The following CHST9 variants were observed in gnomAD, a reference collection of about 807,000 sequenced individuals.
CHST9 encodes carbohydrate sulfotransferase 9.
CHST9 carries 41 observed loss-of-function variants against 44.4 expected under a neutral mutation model. The ratio of observed to expected loss-of-function variants is 0.92; its 90% CI spans 0.72 to 1.20. The LOEUF (loss-of-function observed/expected upper bound fraction) is 1.20. Among genes scored for constraint, CHST9 ranks in the 50% most tolerant of loss-of-function variants. The pLI, the probability that CHST9 is intolerant of heterozygous loss-of-function variation, is 0.00. For synonymous variants in CHST9, 171 were observed against 178.4 expected (o/e 0.96, Z 0.33); for missense variants, 504 against 516.5 (o/e 0.98, Z 0.23).
chr18:26,977,420 A>G (rs1598610403), intron 4 of CHST9, among the ~76,000 whole-genome samples: 1 of 115,866 alleles, frequency 8.6e-6, no homozygotes, highest in Non-Finnish European at 1.9e-5. Flanking sequence ...TCCAAAGGTC[A>G]CTTGTAAAAA....
chr18:27,140,974 G>A (rs912598374), intron 2 of CHST9, among the ~76,000 whole-genome samples: 1 of 152,152 alleles, frequency 6.6e-6, no homozygotes, highest in African/African-American at 2.4e-5. Context: ...TACATCAAAA[G>A]TGTTGTCCAG....
chr18:27,114,167 T>C (rs1241582987), intron 2 of CHST9, among the ~76,000 whole-genome samples: 1 of 152,196 alleles, frequency 6.6e-6, no homozygotes, highest in Non-Finnish European at 1.5e-5. Flanking sequence ...TAATGTTATA[T>C]GTTATGCACT....
intron 2 of CHST9, among the ~76,000 whole-genome samples, chr18:27,067,768 G>A (rs1333867249): frequency 6.6e-6 from 1 of 152,104 alleles, no homozygotes; most frequent in East Asian, 1.9e-4. Context: ...TTCTAGGAAT[G>A]CCTGTCCAGT....
intron 5 of CHST9, among the ~76,000 whole-genome samples, chr18:26,932,577 C>T (rs755699029): frequency 1.3e-5 from 2 of 152,178 alleles, no homozygotes; most frequent in Non-Finnish European, 2.9e-5. Flanking sequence ...AAGTACCTTT[C>T]AACCCCTGAT....
chr18:27,180,426 G>A (rs1379694307), intron 1 of CHST9, among the ~76,000 whole-genome samples: 19 of 152,074 alleles, frequency 1.2e-4, no homozygotes, highest in Non-Finnish European at 1.5e-5. Context: ...TTAAAAAAGA[G>A]GACAGAGTCT....
intron 5 of CHST9, among the ~76,000 whole-genome samples, chr18:26,923,094 G>C (rs2055693405): frequency 6.6e-6 from 1 of 152,160 alleles, no homozygotes; most frequent in Non-Finnish European, 1.5e-5. Context: ...AGAGATGGTG[G>C]GGTTTATAAG....
intron 4 of CHST9, among the ~76,000 whole-genome samples, chr18:27,008,606 C>T (rs2057045247): frequency 6.6e-6 from 1 of 152,144 alleles, no homozygotes; most frequent in Admixed American, 6.5e-5. Flanking sequence ...TTTAAGTTGA[C>T]AATCCTTAAT....
chr18:26,962,444 C>T (rs1208403595), intron 4 of CHST9, among the ~76,000 whole-genome samples: 3 of 152,062 alleles, frequency 2.0e-5, no homozygotes, highest in Non-Finnish European at 4.4e-5. Context: ...GCATCTGCCA[C>T]CATGCCCGGC....
At chr18:27,110,974 G>C (rs924968513) in intron 2 of CHST9, among the ~76,000 whole-genome samples, 6 of 152,206 alleles carry the variant, frequency 3.9e-5, no homozygotes, top group African/African-American at 1.4e-4. Context: ...TTTGATTCAA[G>C]TTCAGTTTTG....
At chr18:26,985,973 C>G (rs2056750462) in intron 4 of CHST9, among the ~76,000 whole-genome samples, 1 of 152,122 alleles carries the variant, frequency 6.6e-6, no homozygotes, top group South Asian at 2.1e-4. Context: ...CAAACTCTCT[C>G]CAAGTAATTT....
chr18:26,985,376 G>C (rs1840054936), intron 4 of CHST9, among the ~76,000 whole-genome samples: 1 of 152,110 alleles, frequency 6.6e-6, no homozygotes, highest in South Asian at 2.1e-4. Context: ...AACAAATTAA[G>C]ACAAAATAGA....
intron 4 of CHST9, among the ~76,000 whole-genome samples, chr18:26,957,604 T>A (rs2056342840): frequency 6.6e-6 from 1 of 151,346 alleles, no homozygotes; most frequent in South Asian, 2.1e-4. Flanking sequence ...AGATCTGGAC[T>A]TTAATAACGA....
intron 2 of CHST9, among the ~76,000 whole-genome samples, chr18:27,075,441 C>T (rs1305510573): frequency 1.3e-5 from 2 of 152,190 alleles, no homozygotes; most frequent in Non-Finnish European, 2.9e-5. Flanking sequence ...CTGGTCTTAT[C>T]TGAAAGTATC....
At chr18:26,956,597 G>A (rs570721764) in intron 4 of CHST9, among the ~76,000 whole-genome samples, 1 of 151,842 alleles carries the variant, frequency 6.6e-6, no homozygotes, top group East Asian at 1.9e-4. Context: ...TTAGCCTGGT[G>A]GAGATGACAA....
chr18:27,145,630 CT>C (rs1449391246), intron 1 of CHST9, among the ~76,000 whole-genome samples: 2 of 152,166 alleles, frequency 1.3e-5, no homozygotes, highest in East Asian at 3.8e-4. Context: ...TTCACTAGTG[CT>C]TTTGAGGATT....
intron 3 of CHST9, among the ~76,000 whole-genome samples, chr18:27,026,961 A>G (rs2057291176): frequency 6.6e-6 from 1 of 152,212 alleles, no homozygotes; most frequent in South Asian, 2.1e-4. Flanking sequence ...TTACCTCTTG[A>G]AACTTGGCAT....
intron 1 of CHST9, among the ~76,000 whole-genome samples, chr18:27,146,926 A>T (rs963635144): frequency 6.6e-6 from 1 of 152,218 alleles, no homozygotes; most frequent in Non-Finnish European, 1.5e-5. Context: ...CTTTTCCAAA[A>T]GTTTAAAAAT....
At chr18:27,130,977 C>A (rs2058466388) in intron 2 of CHST9, among the ~76,000 whole-genome samples, 1 of 151,972 alleles carries the variant, frequency 6.6e-6, no homozygotes, top group African/African-American at 2.4e-5. Flanking sequence ...GGGGTTACCT[C>A]AGGAAGGCAA....
intron 2 of CHST9, among the ~76,000 whole-genome samples, chr18:27,127,373 T>C (rs1035963124): frequency 6.6e-6 from 1 of 152,130 alleles, no homozygotes; most frequent in Non-Finnish European, 1.5e-5. Flanking sequence ...GAAAGTGGCA[T>C]GAAGTGGACA....
Sources: allele counts gnomAD v4.1 joint callset (sites outside exome capture counted in the v4.1 genomes callset), GRCh38; gene constraint gnomAD v4.1.1; transcripts MANE v1.5; gene names NCBI Gene and HGNC (gene_info 2026-07-23, HGNC 2026-07-21).